PDLIM3: variants seen among roughly 807,000 people sequenced by gnomAD.
The protein encoded by PDLIM3 is PDZ and LIM domain 3.
In PDLIM3, 36 loss-of-function variants were observed where a neutral mutation model predicts 37.3. That is an observed-to-expected ratio of 0.97 (90% CI 0.74 to 1.28). The LOEUF is 1.28. PDLIM3 is among the 50% of genes most tolerant of loss of function. The pLI is 0.00. For synonymous variants in PDLIM3, 174 were observed against 182.4 expected (o/e 0.95, Z 0.37); for missense variants, 454 against 485.0 (o/e 0.94, Z 0.60).
chr4:185,501,872 T>G lies in PDLIM3; in HGVS notation c.*422A>C, dbSNP rs555832116. ...CATGCACTGTAATAGTTAAAACACA[T>G]ACAGACAACTGCAGATTATGTTAGA... On this transcript the variant is annotated 3_prime_UTR_variant, in exon 8 of 8. Transcript: ENST00000284767. 7.3e-6 allele frequency: 2 copies of G among 274,750 alleles called. No homozygotes were observed. The highest frequency in any genetic ancestry group is 9.4e-5 in the East Asian group (1 of 10,658). 17.0% of individuals were successfully genotyped at this position (274,750 alleles called of 1,614,324 possible).
intron 3 of PDLIM3, among the ~76,000 whole-genome samples, chr4:185,518,462 T>C (rs974337752): frequency 1.4e-4 from 22 of 151,816 alleles, no homozygotes; most frequent in Non-Finnish European, 3.2e-4. Flanking sequence ...TATATTTATA[T>C]ATAATATGTA....
intron 4 of PDLIM3, chr4:185,513,152 C>T: frequency 9.1e-6 from 9 of 983,948 alleles, no homozygotes; most frequent in Non-Finnish European, 1.1e-5. Context: ...CAGGCCCCTG[C>T]AGACACTGAG....
intron 1 of PDLIM3, among the ~76,000 whole-genome samples, chr4:185,527,294 A>G (rs2095735958): frequency 6.6e-6 from 1 of 152,248 alleles, no homozygotes; most frequent in Admixed American, 6.5e-5. Context: ...TGCTTTATTT[A>G]GGGATCAGTA....
Position 185,514,856 on chromosome 4 carries a change from C to G in PDLIM3, c.331-519G>C, listed in dbSNP as rs2095712474. The G allele has an allele frequency of 6.4e-7, 1 of 1,551,530 alleles. No homozygotes were observed. Among genetic ancestry groups the G allele is most frequent in the African/African-American group, 1.4e-5 (1 of 73,032 alleles). On this transcript the variant is annotated intron_variant, in intron 3 of 7. Coordinates refer to ENST00000284767, the MANE Select transcript of PDLIM3 (RefSeq NM_014476.6). This position sits in a 1 kb window ranked among gnomAD's most constrained non-coding sequence, Gnocchi z 4.0. ...TGCAGCTGCAACAAAAGGCTGGGCC[C>G]TTCTGTTGTGCGCGGTACCAATGGG...
chr4:185,504,942 T>C lies in PDLIM3; in HGVS notation c.794-356A>G, dbSNP rs2095694182. On this transcript the variant is annotated intron_variant, in intron 6 of 7. Coordinates refer to ENST00000284767, the MANE Select transcript of PDLIM3 (RefSeq NM_014476.6). This position sits in a 1 kb window ranked among gnomAD's most constrained non-coding sequence, Gnocchi z 4.7. ...TACATCCAAAATGTTGTGCAAGCAC[T>C]GCCAATATCCACCTCCAGAACTATT... Among the ~76,000 whole-genome samples, 1 of 152,190 alleles carries C rather than the reference T, an allele frequency of 6.6e-6. No homozygotes were observed. Among genetic ancestry groups the C allele is most frequent in the Non-Finnish European group, 1.5e-5 (1 of 68,020 alleles).
chr4:185,523,615 TCC>T (rs11362426), intron 2 of PDLIM3, among the ~76,000 whole-genome samples, 169 bp from the exon 3 acceptor site: 4 of 145,750 alleles, frequency 2.7e-5, no homozygotes, highest in South Asian at 2.2e-4. Flanking sequence ...TAATTAGTCT[TCC>T]CCCCCCCTTT....
intron 3 of PDLIM3, among the ~76,000 whole-genome samples, chr4:185,519,686 A>C (rs527356040): frequency 6.5e-4 from 99 of 152,290 alleles, no homozygotes; most frequent in African/African-American, 2.1e-3. Context: ...GGGGAAAAAA[A>C]CCCCCAGAAA....
rs149417045 is a variant in PDLIM3, at chr4:185,525,434, T to G, written c.94-263A>C. 4.6e-3 allele frequency among the ~76,000 whole-genome samples: 698 copies of G among 152,326 alleles called. 9 individuals carry two copies. Among genetic ancestry groups the G allele is most frequent in the African/African-American group, 0.016 (669 of 41,578 alleles). On this transcript the variant is annotated intron_variant, in intron 1 of 7. Transcript: ENST00000284767. ...TTAAAACATCTTACATAATTCCCAGTGTGAATCATACATTTTTTTGTTTTA... is the reference window on the plus strand; with the variant it reads ...TTAAAACATCTTACATAATTCCCAGGGTGAATCATACATTTTTTTGTTTTA...
At chr4:185,524,944 A>T (rs1348312123) in intron 2 of PDLIM3, 76 bp downstream of exon 2, 5 of 1,452,856 alleles carry the variant, frequency 3.4e-6, no homozygotes, top group Non-Finnish European at 4.8e-6. Flanking sequence ...TGCTGGGAGG[A>T]TGAAGTTATT....
intron 4 of PDLIM3, among the ~76,000 whole-genome samples, chr4:185,510,718 A>G (rs1449370815): frequency 6.6e-6 from 1 of 152,256 alleles, no homozygotes; most frequent in Non-Finnish European, 1.5e-5. Context: ...GGTCAACAGT[A>G]TATGCATATG....
chr4:185,525,290 T>TA (rs2095731247), intron 1 of PDLIM3, 119 bp from the exon 2 acceptor site: 2 of 939,634 alleles, frequency 2.1e-6, no homozygotes, highest in Admixed American at 2.0e-5. Context: ...AGAAAGACTG[T>TA]AAATCTAACT....
intron 7 of PDLIM3, among the ~76,000 whole-genome samples, chr4:185,502,819 A>G (rs1196807830): frequency 1.3e-5 from 2 of 152,104 alleles, no homozygotes; most frequent in Admixed American, 6.5e-5. Context: ...GACAAGACCA[A>G]CCCCTCTGCA....
rs72715914 is a variant in PDLIM3, at chr4:185,512,915, T to C, written c.398+1355A>G. Reference sequence around the variant, plus strand: ...AACAGAGTATGAACGAGGGAACACATAGAGAGAAGCAGGAGAGGACACAGA... The same window carrying C: ...AACAGAGTATGAACGAGGGAACACACAGAGAGAAGCAGGAGAGGACACAGA... On this transcript the variant is annotated intron_variant, in intron 4 of 7. Transcript: ENST00000284767. The C allele has an allele frequency of 4.1e-6, 4 of 985,006 alleles. No individual in the cohort carries two copies. The East Asian group carries it at 3.4e-4, about 84-fold the overall frequency. The allele number at this position is 985,006 out of a possible 1,614,324, so 61.0% of individuals were successfully genotyped here.
intron 1 of PDLIM3, among the ~76,000 whole-genome samples, chr4:185,529,801 G>T (rs1438451373): frequency 6.6e-6 from 1 of 152,132 alleles, no homozygotes; most frequent in Admixed American, 6.5e-5. Context: ...ATGAGAAAAT[G>T]GATGCTTGGA....
At chr4:185,533,763 T>G (rs2153340170) in intron 1 of PDLIM3, among the ~76,000 whole-genome samples, 1 of 152,300 alleles carries the variant, frequency 6.6e-6, no homozygotes, top group South Asian at 2.1e-4. Context: ...CAACTCAAAA[T>G]TTCAAGCATA....
intron 6 of PDLIM3, 55 bp downstream of exon 6, chr4:185,506,467 G>GC: frequency 1.2e-6 from 2 of 1,605,012 alleles, no homozygotes; most frequent in Non-Finnish European, 8.5e-7. Flanking sequence ...TCCCCGTCCC[G>GC]CCCCCTGCAG....
intron 7 of PDLIM3, among the ~76,000 whole-genome samples, 163 bp from the exon 8 acceptor site, chr4:185,502,646 T>C (rs1428548152): frequency 6.6e-6 from 1 of 152,214 alleles, no homozygotes; most frequent in Non-Finnish European, 1.5e-5. Context: ...TATGTAATTG[T>C]CATGGAGATC....
chr4:185,509,154 T>C (rs560018349), intron 4 of PDLIM3, among the ~76,000 whole-genome samples: 2 of 152,376 alleles, frequency 1.3e-5, no homozygotes, highest in South Asian at 4.1e-4. Flanking sequence ...GTACAGATTA[T>C]GTTTTAAGGC....
Position 185,504,664 on chromosome 4 carries a change from G to A in PDLIM3, c.794-78C>T. On this transcript the variant is annotated intron_variant, in intron 6 of 7. Coordinates refer to ENST00000284767, the MANE Select transcript of PDLIM3 (RefSeq NM_014476.6). This position sits in a 1 kb window ranked among gnomAD's most constrained non-coding sequence, Gnocchi z 4.7. ...GTGCTTGGCTTCTATTTTAAAGTGT[G>A]CACTTTAACCTGAAGTTGCATCTGC... 8 of 1,158,842 alleles carry A rather than the reference G, an allele frequency of 6.9e-6. No homozygotes were observed. Among genetic ancestry groups the A allele is most frequent in the Middle Eastern group, 2.0e-4 (1 of 4,904 alleles). The allele number at this position is 1,158,842 out of a possible 1,614,324, so 71.8% of individuals were successfully genotyped here. A position where few individuals can be genotyped will look rare whatever the true frequency, so the allele number is the denominator to read the frequency against.
Sources: gnomAD v4.1 joint callset for allele counts (sites outside exome capture counted in the v4.1 genomes callset) on GRCh38, gnomAD v4.1.1 for gene constraint, Gnocchi (gnomAD v3.1) non-coding constraint, MANE v1.5 for transcripts, NCBI Gene and HGNC (gene_info 2026-07-23, HGNC 2026-07-21) for gene names.